Variants in GPC5 observed in about 807,000 individuals in gnomAD.
GPC5 encodes the protein glypican 5, also known as glypican-5.
In GPC5, 47 loss-of-function variants were observed where a neutral mutation model predicts 53.9. The ratio of observed to expected loss-of-function variants is 0.87; its 90% CI spans 0.69 to 1.11. The LOEUF is 1.11. GPC5 is among the 50% of genes most tolerant of loss of function. The pLI, the probability that GPC5 is intolerant of heterozygous loss-of-function variation, is 0.00. For synonymous variants in GPC5, 286 were observed against 263.3 expected, an observed-to-expected ratio of 1.09 and a Z score of -0.84; for missense variants, 748 against 713.1, an observed-to-expected ratio of 1.05 and a Z score of -0.56.
intron 7 of GPC5, among the ~76,000 whole-genome samples, chr13:92,823,598 T>C (rs947279589): frequency 2.0e-5 from 3 of 152,014 alleles, no homozygotes; most frequent in Non-Finnish European, 4.4e-5. Context: ...CCCTTTAAAA[T>C]AGGTAAGCCC....
chr13:91,917,117 C>A (rs965142169), intron 6 of GPC5, among the ~76,000 whole-genome samples: 5 of 152,126 alleles, frequency 3.3e-5, no homozygotes, highest in Admixed American at 2.6e-4. Flanking sequence ...CACGTATGAG[C>A]CTGTAAAATC....
intron 7 of GPC5, among the ~76,000 whole-genome samples, chr13:92,627,319 C>T (rs1240549730): frequency 2.6e-5 from 4 of 152,186 alleles, no homozygotes; most frequent in Non-Finnish European, 5.9e-5. Context: ...TCTGCAATGG[C>T]ATAATTACTC....
chr13:91,908,284 G>C (rs746932059), intron 6 of GPC5, among the ~76,000 whole-genome samples: 2 of 152,048 alleles, frequency 1.3e-5, no homozygotes, highest in Non-Finnish European at 2.9e-5. Context: ...TGAAAAGCAA[G>C]CCTCAGCCTC....
chr13:92,020,370 A>T (rs752061222), intron 6 of GPC5, among the ~76,000 whole-genome samples: 4 of 152,114 alleles, frequency 2.6e-5, no homozygotes, highest in Non-Finnish European at 5.9e-5. Context: ...TAATGCAAGG[A>T]ATTTTTAAGT....
chr13:92,735,164 G>A (rs558718749), intron 7 of GPC5, among the ~76,000 whole-genome samples: 1 of 151,814 alleles, frequency 6.6e-6, no homozygotes, highest in Non-Finnish European at 1.5e-5. Context: ...AAAGTCTCAA[G>A]GAGCTTTGAT....
intron 1 of GPC5, among the ~76,000 whole-genome samples, chr13:91,439,266 A>G (rs1287973741): frequency 2.0e-5 from 3 of 152,252 alleles, no homozygotes; most frequent in African/African-American, 4.8e-5. Context: ...TACACATGCT[A>G]GTGGCATCTA....
intron 7 of GPC5, among the ~76,000 whole-genome samples, chr13:92,222,905 A>C (rs536948454): frequency 6.7e-4 from 102 of 152,324 alleles, no homozygotes; most frequent in Admixed American, 1.2e-3. Context: ...GGCAAATATC[A>C]GTATGTACCA....
intron 6 of GPC5, among the ~76,000 whole-genome samples, chr13:92,005,170 C>T (rs1742508247): frequency 6.6e-6 from 1 of 152,114 alleles, no homozygotes; most frequent in Non-Finnish European, 1.5e-5. Context: ...TGTTTGCAAT[C>T]CCTAAAAAAG....
chr13:91,446,557 CA>C (rs1384489563), intron 1 of GPC5, among the ~76,000 whole-genome samples: 1 of 152,192 alleles, frequency 6.6e-6, no homozygotes, highest in Non-Finnish European at 1.5e-5. Context: ...AGTTACCATG[CA>C]TAATAGTATC....
At chr13:92,402,745 CAGTT>C (rs1415798337) in intron 7 of GPC5, among the ~76,000 whole-genome samples, 1 of 152,144 alleles carries the variant, frequency 6.6e-6, no homozygotes, top group African/African-American at 2.4e-5. Flanking sequence ...TTCTAAAAGT[CAGTT>C]AGAAGCTCTT....
chr13:91,560,469 A>G (rs1254047490), intron 2 of GPC5, among the ~76,000 whole-genome samples: 1 of 152,136 alleles, frequency 6.6e-6, no homozygotes, highest in Admixed American at 6.6e-5. Flanking sequence ...ACCAAAGACA[A>G]AGTGGACTCA....
At chr13:92,592,785 T>C (rs1255977700) in intron 7 of GPC5, among the ~76,000 whole-genome samples, 1 of 151,216 alleles carries the variant, frequency 6.6e-6, no homozygotes, top group Non-Finnish European at 1.5e-5. Context: ...GGAACAAGTA[T>C]GGCTCAATGG....
intron 7 of GPC5, among the ~76,000 whole-genome samples, chr13:92,422,428 A>T (rs1269794893): frequency 6.6e-6 from 1 of 151,664 alleles, no homozygotes; most frequent in Non-Finnish European, 1.5e-5. Flanking sequence ...TCAATTTCCT[A>T]CAGTGACCTG....
intron 2 of GPC5, among the ~76,000 whole-genome samples, chr13:91,666,871 T>A (rs1464595902): frequency 6.6e-6 from 1 of 152,198 alleles, no homozygotes; most frequent in East Asian, 1.9e-4. Context: ...CCTTTTGGAA[T>A]TTTTTAGGTA....
intron 5 of GPC5, among the ~76,000 whole-genome samples, chr13:91,810,388 C>T (rs894797517): frequency 1.3e-5 from 2 of 151,766 alleles, no homozygotes; most frequent in African/African-American, 4.8e-5. Flanking sequence ...GTCATAATAC[C>T]TTATGTTATA....
chr13:92,100,408 A>G (rs1008242524), intron 6 of GPC5, among the ~76,000 whole-genome samples: 1 of 152,222 alleles, frequency 6.6e-6, no homozygotes, highest in African/African-American at 2.4e-5. Context: ...TCTCAAAAAA[A>G]TTTAAAAAGT....
chr13:91,961,253 T>C (rs1353593380), intron 6 of GPC5, among the ~76,000 whole-genome samples: 1 of 151,968 alleles, frequency 6.6e-6, no homozygotes, highest in African/African-American at 2.4e-5. Flanking sequence ...CATTACACAT[T>C]CTATGCATGT....
intron 7 of GPC5, among the ~76,000 whole-genome samples, chr13:92,862,756 G>A (rs1263667988): frequency 9.9e-5 from 15 of 152,146 alleles, no homozygotes; most frequent in Admixed American, 9.8e-4. Context: ...AGAGCTGGCA[G>A]TGAATAGATT....
At chr13:91,623,611 GT>G (rs1463780060) in intron 2 of GPC5, among the ~76,000 whole-genome samples, 1 of 152,102 alleles carries the variant, frequency 6.6e-6, no homozygotes, top group African/African-American at 2.4e-5. Context: ...ATAACAGGCA[GT>G]CTCTAAATGG....
Sources: gnomAD v4.1 joint callset for allele counts (sites outside exome capture counted in the v4.1 genomes callset) on GRCh38, gnomAD v4.1.1 for gene constraint, MANE v1.5 for transcripts, NCBI Gene and HGNC (gene_info 2026-07-23, HGNC 2026-07-21) for gene names.